Variants in STARD13 observed in about 807,000 individuals in gnomAD.
The protein encoded by STARD13 is stAR-related lipid transfer protein 13.
A neutral mutation model predicts 106.4 loss-of-function variants in STARD13; 62 were observed. The ratio of observed to expected loss-of-function variants is 0.58; its 90% confidence interval spans 0.48 to 0.72. The LOEUF (loss-of-function observed/expected upper bound fraction) is 0.72, where lower values mean the gene tolerates loss of function less well. Among genes scored for constraint, STARD13 ranks in the 30% least tolerant of loss-of-function variants. The probability of loss-of-function intolerance (pLI) is 0.00; values close to 1 mark genes in which losing one functional copy is unlikely to be tolerated. For synonymous variants in STARD13, 565 were observed against 553.0 expected (o/e 1.02, Z -0.31); for missense variants, 1,387 against 1,424.0 (o/e 0.97, Z 0.42).
the STARD13 span, among the ~76,000 whole-genome samples, chr13:33,643,992 A>C: frequency 6.6e-6 from 1 of 151,988 alleles, no homozygotes; most frequent in Non-Finnish European, 1.5e-5. Flanking sequence ...AAAATTGAGG[A>C]CTCTTCCTAC....
the STARD13 span, among the ~76,000 whole-genome samples, chr13:33,623,909 G>A: frequency 6.6e-6 from 1 of 152,280 alleles, no homozygotes; most frequent in South Asian, 2.1e-4. Context: ...CACCAAGATA[G>A]CCTTTTACAT....
At chr13:33,359,182 T>A in the STARD13 span, among the ~76,000 whole-genome samples, 2 of 152,086 alleles carry the variant, frequency 1.3e-5, no homozygotes, top group Admixed American at 6.5e-5. Context: ...TTGCTACTGC[T>A]CACTCTTTGG....
At chr13:33,231,534 T>C (rs1888921419) in intron 1 of STARD13, among the ~76,000 whole-genome samples, 1 of 151,998 alleles carries the variant, frequency 6.6e-6, no homozygotes, top group Non-Finnish European at 1.5e-5. Context: ...AGGGGCAGAT[T>C]TGGGGGAGTT....
the STARD13 span, among the ~76,000 whole-genome samples, chr13:33,593,074 A>T: frequency 4.6e-5 from 7 of 152,356 alleles, no homozygotes; most frequent in Non-Finnish European, 8.8e-5. Flanking sequence ...GCCAGGGCTG[A>T]GGATCTGATA....
At chr13:33,545,477 C>T in the STARD13 span, among the ~76,000 whole-genome samples, 15 of 152,208 alleles carry the variant, frequency 9.9e-5, no homozygotes, top group Non-Finnish European at 2.9e-5. Flanking sequence ...ATGTAAAGGA[C>T]ACTTCATTAG....
chr13:33,216,197 AGC>A (rs1888030614), intron 1 of STARD13, among the ~76,000 whole-genome samples: 1 of 152,262 alleles, frequency 6.6e-6, no homozygotes, highest in African/African-American at 2.4e-5. Context: ...CATTTGACCC[AGC>A]AATCTCACTA....
the STARD13 span, among the ~76,000 whole-genome samples, chr13:33,580,749 G>A: frequency 6.6e-6 from 1 of 152,104 alleles, no homozygotes; most frequent in Non-Finnish European, 1.5e-5. Flanking sequence ...AAATCTACAT[G>A]ATTCAAGGCC....
intron 1 of STARD13, among the ~76,000 whole-genome samples, chr13:33,273,445 A>C (rs1261589615): frequency 6.6e-6 from 1 of 152,240 alleles, no homozygotes; most frequent in Non-Finnish European, 1.5e-5. Context: ...TTCTTTCTGG[A>C]GGAATTTCTA....
the STARD13 span, among the ~76,000 whole-genome samples, chr13:33,656,613 G>A: frequency 2.6e-5 from 4 of 152,178 alleles, no homozygotes; most frequent in Non-Finnish European, 5.9e-5. Flanking sequence ...ATTTGCCGGA[G>A]AATCTTAAAC....
At chr13:33,117,142 T>G (rs1010746478) in intron 8 of STARD13, among the ~76,000 whole-genome samples, 2 of 152,300 alleles carry the variant, frequency 1.3e-5, no homozygotes, top group East Asian at 3.9e-4. Flanking sequence ...GGAGTCTCGC[T>G]CTGTCACCCA....
intron 3 of STARD13, chr13:33,164,395 C>T (rs902135905): frequency 1.3e-5 from 2 of 152,136 alleles, no homozygotes; most frequent in Non-Finnish European, 2.9e-5. Flanking sequence ...TAAACTACTA[C>T]CTTATTTATG....
upstream of STARD13, among the ~76,000 whole-genome samples, chr13:33,353,156 T>G (rs148352125): frequency 6.6e-6 from 1 of 152,116 alleles, no homozygotes; most frequent in African/African-American, 2.4e-5. Context: ...AACCCTCCAG[T>G]CTCACCCTGC....
At chr13:33,568,385 T>C in the STARD13 span, among the ~76,000 whole-genome samples, 2 of 147,976 alleles carry the variant, frequency 1.4e-5, no homozygotes, top group Non-Finnish European at 3.0e-5. Flanking sequence ...TTTTGCAAAA[T>C]TCTATAAGAT....
chr13:33,128,290 A>G (rs1350069079), intron 5 of STARD13, among the ~76,000 whole-genome samples: 4 of 152,184 alleles, frequency 2.6e-5, no homozygotes, highest in Non-Finnish European at 5.9e-5. Context: ...TCTACACTCT[A>G]TATCTTGCTC....
the STARD13 span, among the ~76,000 whole-genome samples, chr13:33,614,738 G>A: frequency 6.6e-6 from 1 of 152,196 alleles, no homozygotes; most frequent in Non-Finnish European, 1.5e-5. Context: ...AGATCTGGGG[G>A]ACATACATTT....
chr13:33,544,012 A>C, the STARD13 span, among the ~76,000 whole-genome samples: 29 of 152,354 alleles, frequency 1.9e-4, no homozygotes, highest in African/African-American at 6.5e-4. Flanking sequence ...TAAAGCAACC[A>C]GTTCATAGAA....
chr13:33,417,755 G>C, the STARD13 span, among the ~76,000 whole-genome samples: 51 of 152,288 alleles, frequency 3.3e-4, no homozygotes, highest in Non-Finnish European at 5.3e-4. Context: ...GGTTTTCAGG[G>C]ACTAGGAGGT....
At chr13:33,659,109 C>T in the STARD13 span, among the ~76,000 whole-genome samples, 1 of 152,014 alleles carries the variant, frequency 6.6e-6, no homozygotes, top group Non-Finnish European at 1.5e-5. Flanking sequence ...AATGCATTTC[C>T]CTGAGTTCTG....
In STARD13 at chr13:33,204,386, T is replaced by C. The variant is rs148828589; in HGVS notation, c.170-36764A>G. Among the ~76,000 whole-genome samples, 656 of 152,332 alleles carry C rather than the reference T, an allele frequency of 4.3e-3. 4 individuals are homozygous for C. The highest frequency in any genetic ancestry group is 0.015 in the African/African-American group (627 of 41,570). Reference sequence around the variant, plus strand: ...GTACAAAGAACTCTGTCTACTGATATTTCCTTCCTCTCATTTTTCACATTT... The same window carrying C: ...GTACAAAGAACTCTGTCTACTGATACTTCCTTCCTCTCATTTTTCACATTT... On this transcript the variant is annotated intron_variant, in intron 1 of 13. Transcript: ENST00000336934.
Sources: allele counts gnomAD v4.1 joint callset (sites outside exome capture counted in the v4.1 genomes callset), GRCh38; gene constraint gnomAD v4.1.1; transcripts MANE v1.5; gene names NCBI Gene and HGNC (gene_info 2026-07-23, HGNC 2026-07-21).